TBC1D8B: variants seen among roughly 807,000 people sequenced by gnomAD.
The protein encoded by TBC1D8B is TBC1 domain family member 8B, also known as RP11-321G1.1.
TBC1D8B carries 75 observed loss-of-function variants against 82.9 expected under a neutral mutation model. The ratio of observed to expected loss-of-function variants is 0.90; its 90% CI spans 0.75 to 1.10. The LOEUF (loss-of-function observed/expected upper bound fraction) is 1.10. TBC1D8B is among the 50% of genes least tolerant of loss of function. The pLI, the probability that TBC1D8B is intolerant of heterozygous loss-of-function variation, is 0.00. For synonymous variants in TBC1D8B, 276 were observed against 276.8 expected, an observed-to-expected ratio of 1.00 and a Z score of 0.03; for missense variants, 794 against 796.9, an observed-to-expected ratio of 1.00 and a Z score of 0.04.
rs766289652 is a variant in TBC1D8B, at chrX:106,840,684, A to G, written c.1519A>G (p.Met507Val). 14 of 1,208,815 alleles carry G rather than the reference A, an allele frequency of 1.2e-5. No homozygotes were observed. Among genetic ancestry groups the G allele is most frequent in the Non-Finnish European group, 1.6e-5 (14 of 893,069 alleles). The change falls in exon 10 of 21, where the codon ATG becomes GTG. Residue 507 changes from methionine to valine, a missense_variant. Coordinates refer to ENST00000357242, the MANE Select transcript of TBC1D8B (RefSeq NM_017752.3). The part of the protein sequence containing the change: ...WMLFSGAVND[M>V]ATNPDYYTEV... ...AATCTTCACAGGTGCTGTTAATGACATGGCTACTAATCCTGACTATTATAC... is the reference window on the plus strand; with the variant it reads ...AATCTTCACAGGTGCTGTTAATGACGTGGCTACTAATCCTGACTATTATAC...
rs1932640242 is a variant in TBC1D8B, at chrX:106,853,709, G to T, written c.2253+59G>T. The T allele has an allele frequency of 5.7e-6, 6 of 1,048,382 alleles. No individual in the cohort carries two copies. The South Asian group carries it at 1.2e-4, about 21-fold the overall frequency. The allele number at this position is 1,048,382 out of a possible 1,213,427, so 86.4% of individuals were successfully genotyped here. A position where few individuals can be genotyped will look rare whatever the true frequency, so the allele number is the denominator to read the frequency against. ...GCATATTTAAAATGATTGAACTATG[G>T]TCTATCTCTAATGGTATATTAAGTG... is the stretch of plus-strand genomic sequence containing the variant. On this transcript the variant is annotated intron_variant, in intron 13 of 20. Coordinates refer to ENST00000357242, the MANE Select transcript of TBC1D8B (RefSeq NM_017752.3).
At chrX:106,835,583 T>A (rs1342325521) in intron 7 of TBC1D8B, among the ~76,000 whole-genome samples, 2 of 112,291 alleles carry the variant, frequency 1.8e-5, no homozygotes, top group Non-Finnish European at 3.8e-5. Context: ...TTCCGTCACA[T>A]CATCAGTCTA....
intron 10 of TBC1D8B, among the ~76,000 whole-genome samples, chrX:106,846,992 A>G (rs1009164970): frequency 3.6e-5 from 4 of 112,380 alleles, no homozygotes; most frequent in African/African-American, 1.3e-4. Flanking sequence ...TAAACATTTA[A>G]ACACTATTGG....
chrX:106,857,413 G>A (rs1016272342), intron 14 of TBC1D8B, among the ~76,000 whole-genome samples: 2 of 111,716 alleles, frequency 1.8e-5, no homozygotes, highest in East Asian at 2.8e-4. Context: ...TCAGCCTCCC[G>A]AAGTGCTGGG....
intron 10 of TBC1D8B, among the ~76,000 whole-genome samples, chrX:106,843,125 C>A (rs932398185): frequency 1.7e-4 from 19 of 111,321 alleles, no homozygotes; most frequent in African/African-American, 6.2e-4. Flanking sequence ...CTTGTTTTGG[C>A]TGTTGTGAAT....
chrX:106,843,163 G>T (rs1388280482), intron 10 of TBC1D8B, among the ~76,000 whole-genome samples: 1 of 110,989 alleles, frequency 9.0e-6, no homozygotes, highest in East Asian at 2.8e-4. Flanking sequence ...TCATGTACAA[G>T]TTTTTTATGG....
chrX:106,860,340 G>GGTGTGTGTGTGT (rs3078333), intron 14 of TBC1D8B, among the ~76,000 whole-genome samples: 14 of 82,788 alleles, frequency 1.7e-4, no homozygotes, highest in Middle Eastern at 6.8e-3. Flanking sequence ...TTTTATGATT[G>GGTGTGTGTGTGT]GTGTGTGTGT....
chrX:106,815,691 C>T (rs1245897531), intron 1 of TBC1D8B: 1 of 110,967 alleles, frequency 9.0e-6, no homozygotes, highest in Admixed American at 9.6e-5. Context: ...ATGGAATGAT[C>T]TTCCATTTGT....
intron 14 of TBC1D8B, among the ~76,000 whole-genome samples, chrX:106,859,844 C>T (rs1277935509): frequency 9.0e-6 from 1 of 111,679 alleles, no homozygotes; most frequent in Non-Finnish European, 1.9e-5. Context: ...ATAAATGGCT[C>T]TTATTATTTT....
chrX:106,846,309 T>C (rs1399646465), intron 10 of TBC1D8B, among the ~76,000 whole-genome samples: 2 of 106,668 alleles, frequency 1.9e-5, no homozygotes, highest in East Asian at 6.0e-4. Flanking sequence ...GGTTTCACCA[T>C]GTCGGCCAGG....
chrX:106,823,596 G>A (rs1163062152), intron 5 of TBC1D8B, 130 bp downstream of exon 5: 5 of 697,031 alleles, frequency 7.2e-6, no homozygotes, highest in Non-Finnish European at 2.0e-6. Context: ...GATTGTGGGT[G>A]TGTGTGTGTT....
intron 14 of TBC1D8B, among the ~76,000 whole-genome samples, chrX:106,864,935 A>G (rs916842415): frequency 2.7e-5 from 3 of 112,088 alleles, no homozygotes; most frequent in Non-Finnish European, 5.6e-5. Context: ...GATTTTTTCA[A>G]TAAACCAACT....
At position 106,822,093 on chromosome X, in the gene TBC1D8B, AG is replaced by A. The variant is rs988771730; in HGVS notation, c.478del (p.Val160Ter). ...TTGGTTTACCAGAGAAGGAGAAGTT[AG>A]TGACCTATTATTCATGCAGTTATTG... Reference protein sequence around the residue: ...CFGLPEKEKLVTYYSCSYWKG... With the variant: ...CFGLPEKEKLXTYYSCSYWKG... On this transcript the variant is annotated frameshift_variant, in exon 4 of 21. Coordinates refer to ENST00000357242, the MANE Select transcript of TBC1D8B (RefSeq NM_017752.3). LOFTEE classifies it high-confidence loss of function. 5 of 1,208,758 alleles carry A rather than the reference AG, an allele frequency of 4.1e-6. No individual in the cohort carries two copies. The African/African-American group carries it at 7.0e-5, about 17-fold the overall frequency.
intron 7 of TBC1D8B, among the ~76,000 whole-genome samples, chrX:106,832,063 C>T (rs959682878): frequency 9.0e-6 from 1 of 110,991 alleles, no homozygotes; most frequent in African/African-American, 3.3e-5. Flanking sequence ...TTTACTAAAA[C>T]GAAGAGAAAA....
chrX:106,866,271 A>C (rs1404712229), intron 16 of TBC1D8B, among the ~76,000 whole-genome samples: 1 of 111,622 alleles, frequency 9.0e-6, no homozygotes, highest in East Asian at 2.8e-4. Flanking sequence ...CATAAGGAAG[A>C]TAACGTCCCA....
intron 12 of TBC1D8B, 90 bp downstream of exon 12, chrX:106,850,400 A>C: frequency 2.1e-6 from 2 of 952,882 alleles, no homozygotes; most frequent in Non-Finnish European, 2.8e-6. Flanking sequence ...ACTGAGCCCT[A>C]GAAATTTCAG....
At chrX:106,821,016 T>G in intron 3 of TBC1D8B, 21 bp downstream of exon 3, 4 of 976,527 alleles carry the variant, frequency 4.1e-6, no homozygotes, top group Non-Finnish European at 5.6e-6. Flanking sequence ...CGGATATATC[T>G]TGTAGATGGA....
At chrX:106,823,912 G>C (rs901684143) in intron 5 of TBC1D8B, among the ~76,000 whole-genome samples, 75 of 111,310 alleles carry the variant, frequency 6.7e-4, no homozygotes, top group African/African-American at 2.2e-3. Context: ...ATGGACTTTA[G>C]AATGAAAGTA....
intron 10 of TBC1D8B, among the ~76,000 whole-genome samples, chrX:106,841,527 G>T (rs989558865): frequency 9.0e-6 from 1 of 111,702 alleles, no homozygotes; most frequent in Non-Finnish European, 1.9e-5. Context: ...CAATAAGGTA[G>T]ATTGGGATAG....
Sources: allele counts gnomAD v4.1 joint callset (sites outside exome capture counted in the v4.1 genomes callset), GRCh38; gene constraint gnomAD v4.1.1; transcripts MANE v1.5; gene names NCBI Gene and HGNC (gene_info 2026-07-23, HGNC 2026-07-21).